Variants in DENND4C observed in about 807,000 individuals in gnomAD.
DENND4C encodes DENN domain containing 4C.
Under a neutral mutation model 203.0 loss-of-function variants are expected in DENND4C, and 108 were observed. The observed-to-expected ratio is 0.53, with a 90% CI of 0.46 to 0.62. DENND4C has a LOEUF of 0.62. Ranked by LOEUF, DENND4C falls within the 20% of genes least tolerant of loss-of-function variation. The probability of loss-of-function intolerance (pLI) is 0.00; values close to 1 mark genes in which losing one functional copy is unlikely to be tolerated. For missense variants in DENND4C, 2,481 were observed against 2,301.2 expected (o/e 1.08, Z -1.60); for synonymous variants, 871 against 792.4 (o/e 1.10, Z -1.67).
intron 1 of DENND4C, among the ~76,000 whole-genome samples, chr9:19,262,550 G>A (rs1277990064): frequency 6.6e-6 from 1 of 151,064 alleles, no homozygotes; most frequent in African/African-American, 2.4e-5. Context: ...TCATGCTTCA[G>A]CCTCCCAAGT....
At chr9:19,259,685 A>C (rs1342814329) in intron 1 of DENND4C, among the ~76,000 whole-genome samples, 1 of 151,736 alleles carries the variant, frequency 6.6e-6, no homozygotes, top group African/African-American at 2.4e-5. Context: ...TTGTATTTTT[A>C]GTAGAGACGG....
intron 30 of DENND4C, among the ~76,000 whole-genome samples, chr9:19,364,427 A>G (rs1827176283): frequency 6.6e-6 from 1 of 152,228 alleles, no homozygotes; most frequent in African/African-American, 2.4e-5. Flanking sequence ...ACTCTGTTCT[A>G]TAGAAATACA....
chr9:19,236,364 G>C (rs1420023181), intron 1 of DENND4C, among the ~76,000 whole-genome samples: 1 of 152,136 alleles, frequency 6.6e-6, no homozygotes, highest in Non-Finnish European at 1.5e-5. Flanking sequence ...TAAGACATCT[G>C]ATTAAAAACT....
intron 1 of DENND4C, among the ~76,000 whole-genome samples, chr9:19,273,115 C>T (rs943826076): frequency 6.6e-6 from 1 of 151,784 alleles, no homozygotes; most frequent in African/African-American, 2.4e-5. Context: ...CCATGCCAGG[C>T]TAATTTTGTT....
In DENND4C at chr9:19,271,170, CT is replaced by C. The variant is rs555872459; in HGVS notation, c.-17-4979del. On this transcript the variant is annotated intron_variant, in intron 1 of 32. Transcript: ENST00000434457. ...CAGTCCTAATTAAAATCACAGTAGGCTTTTTTTTTAGGTAAAAATTAATATG... is the reference window on the plus strand; with the variant it reads ...CAGTCCTAATTAAAATCACAGTAGGCTTTTTTTTAGGTAAAAATTAATATG... Among the ~76,000 whole-genome samples, 58 of 140,572 alleles carry C rather than the reference CT, an allele frequency of 4.1e-4. 1 individual carries two copies. In the South Asian group the frequency reaches 7.8e-3, roughly 19 times the overall value. The allele number at this position is 140,572 out of a possible 152,430, so 92.2% of individuals were successfully genotyped here.
intron 26 of DENND4C, among the ~76,000 whole-genome samples, chr9:19,355,113 T>C (rs1317466873): frequency 6.6e-6 from 1 of 151,900 alleles, no homozygotes; most frequent in Non-Finnish European, 1.5e-5. Flanking sequence ...GGTTTCACCA[T>C]GTTAGCCAGG....
intron 12 of DENND4C, among the ~76,000 whole-genome samples, chr9:19,320,411 C>G (rs1842688188): frequency 6.6e-6 from 1 of 152,126 alleles, no homozygotes; most frequent in African/African-American, 2.4e-5. Flanking sequence ...GTTGGCCAGA[C>G]TGGTCTCGAA....
In DENND4C at chr9:19,304,048, T is replaced by TA. The variant is rs34261020; in HGVS notation, c.1312-1290dup. 3.1e-3 allele frequency among the ~76,000 whole-genome samples: 435 copies of TA among 138,664 alleles called. 4 individuals carry two copies. Among genetic ancestry groups the TA allele is most frequent in the Admixed American group, 5.7e-3 (79 of 13,936 alleles). The allele number at this position is 138,664 out of a possible 152,430, so 91.0% of individuals were successfully genotyped here. A position where few individuals can be genotyped will look rare whatever the true frequency, so the allele number is the denominator to read the frequency against. On this transcript the variant is annotated intron_variant, in intron 9 of 32. Coordinates refer to ENST00000434457, the MANE Select transcript of DENND4C (RefSeq NM_001330640.2). ...AAAAAACATCAAAACCTGTCTTTTT[T>TA]AAAAAAAAAAAAAACCCACAAATGA...
intron 12 of DENND4C, among the ~76,000 whole-genome samples, chr9:19,323,838 T>A (rs139134510): frequency 6.3e-4 from 96 of 152,268 alleles, no homozygotes; most frequent in African/African-American, 2.1e-3. Flanking sequence ...TAGAAGTATT[T>A]TTCGTGGTTT....
chr9:19,258,207 A>G (rs1052494165), intron 1 of DENND4C, among the ~76,000 whole-genome samples: 4 of 152,182 alleles, frequency 2.6e-5, no homozygotes, highest in Non-Finnish European at 4.4e-5. Context: ...AATTGAAATC[A>G]TAGTTTAAAA....
chr9:19,334,090 G>C (rs934491801), intron 17 of DENND4C, among the ~76,000 whole-genome samples: 5 of 151,946 alleles, frequency 3.3e-5, no homozygotes, highest in African/African-American at 1.2e-4. Flanking sequence ...TTTCCTCCAG[G>C]CTAGCATGCA....
rs568117575 is a variant in DENND4C at position 19,350,436 on chromosome 9, T to A, written c.4318-266T>A. ...GGCTCCCTAGAATTCTGTTATTTTA[T>A]AAGATTCAATATTGAGAGACACCCA... is the stretch of plus-strand genomic sequence containing the variant. On this transcript the variant is annotated intron_variant, in intron 23 of 32. Transcript: ENST00000434457. Among the ~76,000 whole-genome samples the A allele has an allele frequency of 1.4e-3, 213 of 152,294 alleles. 1 individual carries two copies. The highest frequency in any genetic ancestry group is 2.4e-3 in the Non-Finnish European group (164 of 68,024).
intron 9 of DENND4C, among the ~76,000 whole-genome samples, chr9:19,300,954 C>T (rs1838437631): frequency 6.6e-6 from 1 of 152,068 alleles, no homozygotes; most frequent in Admixed American, 6.6e-5. Flanking sequence ...CTGAGGTAGG[C>T]GGATCACCTG....
intron 1 of DENND4C, among the ~76,000 whole-genome samples, chr9:19,270,431 G>A (rs887612507): frequency 1.3e-5 from 2 of 152,160 alleles, no homozygotes; most frequent in African/African-American, 4.8e-5. Context: ...GGGAACTTTA[G>A]GAATCTACTT....
At chr9:19,341,751 G>A (rs1588954369) in intron 21 of DENND4C, among the ~76,000 whole-genome samples, 2 of 152,132 alleles carry the variant, frequency 1.3e-5, no homozygotes, top group African/African-American at 2.4e-5. Flanking sequence ...CTATTTTAGT[G>A]CCCTTTTTAA....
At chr9:19,262,586 C>G (rs1425765820) in intron 1 of DENND4C, among the ~76,000 whole-genome samples, 2 of 151,986 alleles carry the variant, frequency 1.3e-5, no homozygotes, top group Admixed American at 6.6e-5. Context: ...TGTGCACTCC[C>G]ACACCCAGCT....
chr9:19,272,945 C>CTTTTT (rs35973945), intron 1 of DENND4C, among the ~76,000 whole-genome samples: 4 of 86,610 alleles, frequency 4.6e-5, no homozygotes, highest in Non-Finnish European at 4.5e-5. Flanking sequence ...TTTTTGTATC[C>CTTTTT]TTTTTTTTTT....
chr9:19,362,009 C>T (rs750391117), intron 30 of DENND4C, 46 bp downstream of exon 30: 76 of 1,210,868 alleles, frequency 6.3e-5, no homozygotes, highest in South Asian at 6.2e-4. Flanking sequence ...TGCAGTGGCT[C>T]GCACCTGTAA....
Position 19,367,151 on chromosome 9 carries a change from T to C in DENND4C, c.5525-2686T>C, listed in dbSNP as rs1272538321. 2.6e-5 allele frequency among the ~76,000 whole-genome samples: 4 copies of C among 152,152 alleles called. No homozygotes were observed. In the East Asian group the frequency reaches 7.7e-4, roughly 29 times the overall value. ...AATCAAAACCACAAGGAAATAACAC[T>C]TCATACTTACTAGGATGGCTATAAT... On this transcript the variant is annotated intron_variant, in intron 30 of 32. Transcript: ENST00000434457.
Sources: allele counts gnomAD v4.1 joint callset (sites outside exome capture counted in the v4.1 genomes callset), GRCh38; gene constraint gnomAD v4.1.1; transcripts MANE v1.5; gene names NCBI Gene and HGNC (gene_info 2026-07-23, HGNC 2026-07-21).